The following SGIP1 variants were observed in gnomAD, a reference collection of about 807,000 sequenced individuals.
The protein encoded by SGIP1 is SH3GL interacting endocytic adaptor 1.
A neutral mutation model predicts 107.5 loss-of-function variants in SGIP1; 38 were observed. That is an observed-to-expected ratio of 0.35 (90% confidence interval 0.27 to 0.46). The LOEUF is 0.46. Ranked by LOEUF, SGIP1 falls within the 20% of genes least tolerant of loss-of-function variation. The pLI is 1.00. For missense variants in SGIP1, 929 were observed against 1,019.5 expected (o/e 0.91, Z 1.21); for synonymous variants, 365 against 366.1 (o/e 1.00, Z 0.03).
chr1:66,558,103 A>G (rs1340907869), intron 1 of SGIP1, among the ~76,000 whole-genome samples: 2 of 152,088 alleles, frequency 1.3e-5, no homozygotes, highest in Non-Finnish European at 2.9e-5. Context: ...TTTTAATCAC[A>G]GAGTCTTATT....
chr1:66,547,416 AT>A (rs2056608152), intron 1 of SGIP1, among the ~76,000 whole-genome samples: 1 of 152,202 alleles, frequency 6.6e-6, no homozygotes, highest in South Asian at 2.1e-4. Context: ...ACAAACCCAA[AT>A]ATAGTTCTGT....
In SGIP1 at chr1:66,747,300, T is replaced by G. The variant is rs148987491; in HGVS notation, c.*4205T>G. 38 of 152,194 alleles carry G rather than the reference T, an allele frequency of 2.5e-4. No homozygotes were observed. The highest frequency in any genetic ancestry group is 7.0e-4 in the African/African-American group (29 of 41,566). The allele number at this position is 152,194 out of a possible 1,614,324, so 9.4% of individuals were successfully genotyped here. A position where few individuals can be genotyped will look rare whatever the true frequency, so the allele number is the denominator to read the frequency against. On this transcript the variant is annotated 3_prime_UTR_variant, in exon 25 of 25. Coordinates refer to ENST00000371037, the MANE Select transcript of SGIP1 (RefSeq NM_032291.4). ...CTTAGTTCTGACATTATATCAGATT[T>G]TAAGCATTAAATTCTAAGATGAAAA...
intron 1 of SGIP1, among the ~76,000 whole-genome samples, chr1:66,592,897 C>CTTTTTTTTTTTTTTTTTT (rs35762612): frequency 5.5e-4 from 31 of 56,352 alleles, no homozygotes; most frequent in South Asian, 8.9e-4. Context: ...TCTTCTTCTT[C>CTTTTTTTTTTTTTTTTTT]TTTTTTTTTT....
At chr1:66,570,203 A>G (rs4655619) in intron 1 of SGIP1, among the ~76,000 whole-genome samples, 23,386 of 151,692 alleles carry the variant, frequency 0.15, 2,362 homozygotes, top group East Asian at 0.45. Flanking sequence ...TATTTTTAAT[A>G]GTCTTAATTT....
intron 1 of SGIP1, among the ~76,000 whole-genome samples, chr1:66,568,063 G>T (rs1438580069): frequency 2.0e-5 from 3 of 152,034 alleles, no homozygotes; most frequent in Non-Finnish European, 2.9e-5. Flanking sequence ...AGTTTGGTGG[G>T]AATTGCATTG....
At chr1:66,612,439 T>A (rs2068227928) in intron 1 of SGIP1, among the ~76,000 whole-genome samples, 1 of 152,218 alleles carries the variant, frequency 6.6e-6, no homozygotes, top group African/African-American at 2.4e-5. Context: ...TGGATTTTCC[T>A]CCCCTTTCTG....
chr1:66,551,339 C>T (rs907562164), intron 1 of SGIP1, among the ~76,000 whole-genome samples: 6 of 152,232 alleles, frequency 3.9e-5, no homozygotes, highest in African/African-American at 1.2e-4. Context: ...ATATCTATTT[C>T]CACCTTTTGC....
At chr1:66,716,720 A>T (rs502690) in intron 18 of SGIP1, among the ~76,000 whole-genome samples, 85,408 of 152,000 alleles carry the variant, frequency 0.56, 25,299 homozygotes, top group East Asian at 1. Context: ...AAAATGATGT[A>T]TATATGTGTG....
intron 1 of SGIP1, among the ~76,000 whole-genome samples, chr1:66,556,183 T>G (rs1393485813): frequency 1.3e-5 from 2 of 152,180 alleles, no homozygotes; most frequent in African/African-American, 4.8e-5. Context: ...GATTCAGCTC[T>G]TGCTTATTCA....
chr1:66,748,087 C>A lies in SGIP1; in HGVS notation c.*4992C>A, dbSNP rs2094576305. On this transcript the variant is annotated 3_prime_UTR_variant, in exon 25 of 25. Transcript: ENST00000371037. ...GGATGACCAGCCTCACCATCTTTTA[C>A]TGTGTGCACTTTCCTCTTAAGGTTT... 1 of 152,104 alleles carries A rather than the reference C, an allele frequency of 6.6e-6. No homozygotes were observed. Among genetic ancestry groups the A allele is most frequent in the East Asian group, 1.9e-4 (1 of 5,184 alleles). 9.4% of individuals were successfully genotyped at this position (152,104 alleles called of 1,614,324 possible).
intron 2 of SGIP1, among the ~76,000 whole-genome samples, chr1:66,630,894 A>AGGAG (rs1342101228): frequency 1.0e-4 from 1 of 9,610 alleles, no homozygotes; most frequent in Non-Finnish European, 2.1e-4. Flanking sequence ...AAAGAAAGAA[A>AGGAG]GAAAGAAAGA....
chr1:66,558,775 G>A (rs2058532640), intron 1 of SGIP1, among the ~76,000 whole-genome samples: 1 of 151,224 alleles, frequency 6.6e-6, no homozygotes, highest in South Asian at 2.1e-4. Flanking sequence ...CTGGTTTTGT[G>A]GGTGTGTAGT....
intron 1 of SGIP1, among the ~76,000 whole-genome samples, chr1:66,567,903 G>GTAA (rs2059877415): frequency 6.6e-6 from 1 of 152,106 alleles, no homozygotes; most frequent in Non-Finnish European, 1.5e-5. Context: ...TTTGGTTACT[G>GTAA]TAGCCTTGTA....
chr1:66,632,858 T>C (rs2075058096), intron 2 of SGIP1, among the ~76,000 whole-genome samples: 1 of 152,162 alleles, frequency 6.6e-6, no homozygotes, highest in Non-Finnish European at 1.5e-5. Flanking sequence ...CTGCAATTTT[T>C]TAATGAGAAT....
rs778592359 is a variant in SGIP1, at chr1:66,681,918, C to G, written c.864C>G (p.Ile288Met). ...TCAAAATTGAAAAACTACCATCCAT[C>G]AATGACTTGGACAGCATTTTTGGGC... ...TEVKIEKLPS[I>M]NDLDSIFGPV... Residue 288 changes from isoleucine (I) to methionine (M), a missense_variant, in exon 15 of 25, where the codon ATC (isoleucine) becomes ATG (methionine). Ile to Met is a conservative substitution (Grantham distance 10, BLOSUM62 1). Around this residue, in one of 2 missense-constraint regions of SGIP1, gnomAD observed 588 missense variants for 588.6 expected, o/e 1.00. Coordinates refer to ENST00000371037, the MANE Select transcript of SGIP1 (RefSeq NM_032291.4). The G allele has an allele frequency of 6.2e-7, 1 of 1,614,064 alleles. No homozygotes were observed. The highest frequency in any genetic ancestry group is 1.3e-5 in the African/African-American group (1 of 75,062).
intron 18 of SGIP1, among the ~76,000 whole-genome samples, chr1:66,696,451 A>C (rs898214871): frequency 1.3e-5 from 2 of 152,172 alleles, no homozygotes; most frequent in African/African-American, 4.8e-5. Context: ...TTTGTGTTTC[A>C]TGGCAACAAA....
chr1:66,743,202 G>A lies in SGIP1; in HGVS notation c.*107G>A. On this transcript the variant is annotated 3_prime_UTR_variant, in exon 25 of 25. Coordinates refer to ENST00000371037, the MANE Select transcript of SGIP1 (RefSeq NM_032291.4). ...AAAACAAACCAATATCTGCACTTGG[G>A]ATATATCAGGTGGAAAGTCAATGAC... The A allele has an allele frequency of 8.9e-7, 1 of 1,124,596 alleles. No homozygotes were observed. The highest frequency in any genetic ancestry group is 1.4e-5 in the South Asian group (1 of 74,050). 69.7% of individuals were successfully genotyped at this position (1,124,596 alleles called of 1,614,324 possible). A position where few individuals can be genotyped will look rare whatever the true frequency, so the allele number is the denominator to read the frequency against.
chr1:66,732,450 G>C (rs2094055395), intron 20 of SGIP1, among the ~76,000 whole-genome samples: 1 of 152,056 alleles, frequency 6.6e-6, no homozygotes, highest in African/African-American at 2.4e-5. Flanking sequence ...AAAGTCTTAA[G>C]GACCAGGTGT....
chr1:66,730,731 C>T (rs2093969949), intron 20 of SGIP1, among the ~76,000 whole-genome samples: 2 of 152,184 alleles, frequency 1.3e-5, no homozygotes, highest in South Asian at 4.1e-4. Context: ...CCCTTGTCTG[C>T]CTCTCCATTC....
Sources: allele counts gnomAD v4.1 joint callset (sites outside exome capture counted in the v4.1 genomes callset), GRCh38; gene constraint gnomAD v4.1.1; regional missense constraint gnomAD v4.1.1; transcripts MANE v1.5; gene names NCBI Gene and HGNC (gene_info 2026-07-23, HGNC 2026-07-21).